The following FHIT variants were observed in gnomAD, a reference collection of about 807,000 sequenced individuals.
The protein encoded by FHIT is fragile histidine triad diadenosine triphosphatase.
FHIT carries 19 observed loss-of-function variants against 17.9 expected under a neutral mutation model. That is an observed-to-expected ratio of 1.06 (90% CI 0.74 to 1.56). FHIT has a LOEUF of 1.56. Among genes scored for constraint, FHIT ranks in the 40% most tolerant of loss-of-function variants. FHIT has a pLI of 0.00. For synonymous variants in FHIT, 81 were observed against 69.7 expected, an observed-to-expected ratio of 1.16 and a Z score of -0.81; for missense variants, 248 against 189.2, an observed-to-expected ratio of 1.31 and a Z score of -1.82.
chr3:61,022,456 C>T (rs937929865), intron 3 of FHIT, among the ~76,000 whole-genome samples: 7 of 151,354 alleles, frequency 4.6e-5, no homozygotes, highest in Admixed American at 1.3e-4. Context: ...CTATTCCAAA[C>T]AATAAATAGA....
intron 4 of FHIT, among the ~76,000 whole-genome samples, chr3:60,652,400 G>A (rs984598728): frequency 4.6e-5 from 7 of 151,850 alleles, no homozygotes; most frequent in African/African-American, 7.3e-5. Context: ...TTGGGAGTTC[G>A]AGACCAGCCT....
At chr3:61,052,426 G>A (rs565369760) in intron 2 of FHIT, among the ~76,000 whole-genome samples, 3 of 152,114 alleles carry the variant, frequency 2.0e-5, no homozygotes, top group East Asian at 1.9e-4. Context: ...ATGAAAAATC[G>A]GTGCTTGCGG....
At chr3:60,019,444 G>C (rs1469924125) in intron 5 of FHIT, among the ~76,000 whole-genome samples, 1 of 112,738 alleles carries the variant, frequency 8.9e-6, no homozygotes, top group Non-Finnish European at 1.8e-5. Context: ...CTGAGATGGA[G>C]TTTCGCTCTC....
intron 3 of FHIT, among the ~76,000 whole-genome samples, chr3:60,980,649 G>A (rs932667896): frequency 1.3e-5 from 2 of 152,126 alleles, no homozygotes; most frequent in African/African-American, 4.8e-5. Context: ...GAAAAGATGG[G>A]GGAATGGGGA....
chr3:61,042,697 A>G lies in FHIT; in HGVS notation c.-163-598T>C, dbSNP rs2033578315. 2.0e-5 allele frequency among the ~76,000 whole-genome samples: 3 copies of G among 151,906 alleles called. No homozygotes were observed. In the South Asian group the frequency reaches 6.2e-4, roughly 32 times the overall value. Reference sequence around the variant, plus strand: ...CTACTAAAAATACAAAAAATTAGCTAGGTGTGGTCGTGGGTACCTGTAATG... The same window carrying G: ...CTACTAAAAATACAAAAAATTAGCTGGGTGTGGTCGTGGGTACCTGTAATG... On this transcript the variant is annotated intron_variant, in intron 2 of 9. Transcript: ENST00000492590.
intron 5 of FHIT, among the ~76,000 whole-genome samples, chr3:60,416,787 G>C (rs527528466): frequency 6.6e-6 from 1 of 152,048 alleles, no homozygotes; most frequent in Non-Finnish European, 1.5e-5. Flanking sequence ...TTACTGTAGC[G>C]TTAAAAATCT....
At chr3:60,312,397 C>G (rs1336412385) in intron 5 of FHIT, among the ~76,000 whole-genome samples, 1 of 152,072 alleles carries the variant, frequency 6.6e-6, no homozygotes, top group Non-Finnish European at 1.5e-5. Flanking sequence ...CTTGCCTTGG[C>G]CCCCCAAAGT....
At chr3:60,098,644 A>G (rs565767773) in intron 5 of FHIT, among the ~76,000 whole-genome samples, 33 of 152,198 alleles carry the variant, frequency 2.2e-4, no homozygotes, top group African/African-American at 7.9e-4. Context: ...AGATTGCAAA[A>G]ATTTTCTCCC....
chr3:60,443,587 A>G (rs574624711), intron 5 of FHIT, among the ~76,000 whole-genome samples: 5 of 152,180 alleles, frequency 3.3e-5, no homozygotes, highest in South Asian at 2.1e-4. Flanking sequence ...ATTGATTTGC[A>G]TATGTTGAAC....
chr3:59,873,690 CAT>C (rs1318746560), intron 8 of FHIT, among the ~76,000 whole-genome samples: 3 of 152,156 alleles, frequency 2.0e-5, no homozygotes, highest in Non-Finnish European at 4.4e-5. Context: ...GACAAGCACA[CAT>C]GCCTCCAGAC....
chr3:60,465,016 C>G (rs1316408646), intron 5 of FHIT, among the ~76,000 whole-genome samples: 2 of 152,094 alleles, frequency 1.3e-5, no homozygotes, highest in Non-Finnish European at 2.9e-5. Flanking sequence ...CTCTCCAGCA[C>G]TTGTTATTGC....
intron 5 of FHIT, among the ~76,000 whole-genome samples, chr3:60,226,493 A>AAAAAAAAAAAAAAAAAC (rs200934161): frequency 1.0e-4 from 15 of 147,132 alleles, no homozygotes; most frequent in African/African-American, 3.4e-4. Context: ...AAAAAAAAAA[A>AAAAAAAAAAAAAAAAAC]ACACTGCCTG....
intron 4 of FHIT, among the ~76,000 whole-genome samples, chr3:60,754,248 G>A (rs2042527315): frequency 6.6e-6 from 1 of 152,126 alleles, no homozygotes; most frequent in South Asian, 2.1e-4. Context: ...CAGTTAACCT[G>A]AAAAATGAAA....
chr3:60,168,226 C>A (rs1007392279), intron 5 of FHIT, among the ~76,000 whole-genome samples: 9 of 152,070 alleles, frequency 5.9e-5, no homozygotes, highest in Admixed American at 1.3e-4. Context: ...AACAAGAGAC[C>A]GACAGACTTC....
At chr3:60,173,426 C>G (rs1371069807) in intron 5 of FHIT, among the ~76,000 whole-genome samples, 1 of 152,128 alleles carries the variant, frequency 6.6e-6, no homozygotes. Flanking sequence ...ATGGATGCAG[C>G]TTTCCATTTT....
In FHIT at chr3:60,491,380, C is replaced by T. The variant is rs138650277; in HGVS notation, c.103+45480G>A. 2.0e-3 allele frequency among the ~76,000 whole-genome samples: 302 copies of T among 150,838 alleles called. 1 individual carries two copies. Among genetic ancestry groups the T allele is most frequent in the African/African-American group, 7.0e-3 (288 of 40,978 alleles). On this transcript the variant is annotated intron_variant, in intron 5 of 9. Transcript: ENST00000492590. ...ACAACCAACCTTATAATGTTTCATACGAAAAGCTACAATTATATTTTCTAA... is the reference window on the plus strand; with the variant it reads ...ACAACCAACCTTATAATGTTTCATATGAAAAGCTACAATTATATTTTCTAA...
intron 5 of FHIT, among the ~76,000 whole-genome samples, chr3:60,479,499 A>G (rs932893274): frequency 6.6e-6 from 1 of 152,238 alleles, no homozygotes; most frequent in East Asian, 1.9e-4. Flanking sequence ...TCTTAATGAC[A>G]TAGCACAAGA....
At chr3:60,127,491 T>G (rs1705607470) in intron 5 of FHIT, among the ~76,000 whole-genome samples, 2 of 152,172 alleles carry the variant, frequency 1.3e-5, no homozygotes. Context: ...GTTAATAAAC[T>G]CCCCATGATA....
chr3:60,553,069 C>T (rs1243736018), intron 4 of FHIT, among the ~76,000 whole-genome samples: 1 of 152,150 alleles, frequency 6.6e-6, no homozygotes, highest in African/African-American at 2.4e-5. Context: ...CCAAGACAGG[C>T]TCTGGCCACC....
Sources: gnomAD v4.1 joint callset for allele counts (sites outside exome capture counted in the v4.1 genomes callset) on GRCh38, gnomAD v4.1.1 for gene constraint, MANE v1.5 for transcripts, NCBI Gene and HGNC (gene_info 2026-07-23, HGNC 2026-07-21) for gene names.